Variants in CBFA2T3 observed in about 807,000 individuals in gnomAD.
CBFA2T3 encodes the protein transcriptional corepressor CBFA2T3.
In CBFA2T3, 31 loss-of-function variants were observed where a neutral mutation model predicts 58.6. The observed-to-expected ratio is 0.53, with a 90% CI of 0.40 to 0.71. The LOEUF is 0.71. Ranked by LOEUF, CBFA2T3 falls within the 30% of genes least tolerant of loss-of-function variation. The pLI, the probability that CBFA2T3 is intolerant of heterozygous loss-of-function variation, is 0.00. For missense variants in CBFA2T3, 1,076 were observed against 963.1 expected (o/e 1.12, Z -1.55); for synonymous variants, 531 against 421.9 (o/e 1.26, Z -3.17).
At position 88,876,737 on chromosome 16, in the gene CBFA2T3, G is replaced by T. The variant is rs1267079260; in HGVS notation, c.*239C>A. Reference sequence around the variant, plus strand: ...ATGCTTGAAGAGACGTTGTCAGGAGGTCTCCGCGCGGAATCATTAGGTAGC... The same window carrying T: ...ATGCTTGAAGAGACGTTGTCAGGAGTTCTCCGCGCGGAATCATTAGGTAGC... On this transcript the variant is annotated 3_prime_UTR_variant, in exon 12 of 12. Coordinates refer to ENST00000268679, the MANE Select transcript of CBFA2T3 (RefSeq NM_005187.6). 3 of 457,782 alleles carry T rather than the reference G, an allele frequency of 6.6e-6. No homozygotes were observed. Among genetic ancestry groups the T allele is most frequent in the African/African-American group, 6.2e-5 (3 of 48,780 alleles). The allele number at this position is 457,782 out of a possible 1,614,324, so 28.4% of individuals were successfully genotyped here. A position where few individuals can be genotyped will look rare whatever the true frequency, so the allele number is the denominator to read the frequency against.
At chr16:88,887,066 G>A (rs1220189928) in intron 5 of CBFA2T3, 2 of 152,234 alleles carry the variant, frequency 1.3e-5, no homozygotes, top group Admixed American at 6.5e-5. Context: ...CTGGACCAGG[G>A]CCCAGCAGCA....
intron 1 of CBFA2T3, among the ~76,000 whole-genome samples, chr16:88,963,393 C>T (rs1306958433): frequency 2.0e-5 from 3 of 150,656 alleles, no homozygotes; most frequent in Admixed American, 1.3e-4. Context: ...ATAAACAGAA[C>T]ATAAAATTTA....
At chr16:88,965,771 T>C (rs1597797119) in intron 1 of CBFA2T3, among the ~76,000 whole-genome samples, 1 of 152,228 alleles carries the variant, frequency 6.6e-6, no homozygotes, top group African/African-American at 2.4e-5. Context: ...GGTCTGTGTG[T>C]GGCCAGGCTG....
intron 5 of CBFA2T3, 50 bp downstream of exon 5, chr16:88,891,832 G>C: frequency 7.6e-7 from 1 of 1,314,488 alleles, no homozygotes; most frequent in Non-Finnish European, 1.1e-6. Context: ...GTGGGATTAA[G>C]GGGCCTTCTA....
rs531249691 is a variant in CBFA2T3 at position 88,875,651 on chromosome 16, C to G, written c.*1325G>C. ...GGGGGCCGAGAGAGGTCGGAGGGCG[C>G]GGAGAGGAGAGAGGTAGAGGAGGAC... On this transcript the variant is annotated 3_prime_UTR_variant, in exon 12 of 12. Transcript: ENST00000268679. The G allele has an allele frequency of 4.3e-6, 1 of 233,486 alleles. No homozygotes were observed. Among genetic ancestry groups the G allele is most frequent in the East Asian group, 6.0e-5 (1 of 16,576 alleles). The allele number at this position is 233,486 out of a possible 1,614,324, so 14.5% of individuals were successfully genotyped here.
intron 1 of CBFA2T3, chr16:88,940,270 C>T (rs1426129883): frequency 1.3e-5 from 2 of 155,854 alleles, no homozygotes; most frequent in African/African-American, 4.8e-5. Flanking sequence ...GCCAGCCCCG[C>T]AGTGTGTTCG....
At chr16:88,961,450 C>T (rs1381579728) in intron 1 of CBFA2T3, among the ~76,000 whole-genome samples, 1 of 151,146 alleles carries the variant, frequency 6.6e-6, no homozygotes, top group African/African-American at 2.4e-5. Flanking sequence ...ATTCCCACTG[C>T]ATAGTAACCG....
chr16:88,882,279 T>A (rs1489451728), intron 8 of CBFA2T3, among the ~76,000 whole-genome samples: 1 of 152,210 alleles, frequency 6.6e-6, no homozygotes, highest in African/African-American at 2.4e-5. Flanking sequence ...TGTTTATGCA[T>A]AGGCATACAG....
intron 3 of CBFA2T3, among the ~76,000 whole-genome samples, chr16:88,897,602 G>A (rs1969938041): frequency 6.6e-6 from 1 of 152,248 alleles, no homozygotes; most frequent in Non-Finnish European, 1.5e-5. Flanking sequence ...GGCACTAGGG[G>A]CCATGATGAC....
intron 1 of CBFA2T3, among the ~76,000 whole-genome samples, chr16:88,972,311 G>C (rs1414504184): frequency 6.6e-6 from 1 of 152,198 alleles, no homozygotes; most frequent in Non-Finnish European, 1.5e-5. Flanking sequence ...CTCTGTGCCA[G>C]TGGAGCCTCC....
chr16:88,936,272 G>GCAGGTCCCACCTGCTGCCT (rs1971497111), intron 1 of CBFA2T3, among the ~76,000 whole-genome samples: 2 of 152,138 alleles, frequency 1.3e-5, no homozygotes, highest in African/African-American at 4.8e-5. Context: ...CTGGTCTCCG[G>GCAGGTCCCACCTGCTGCCT]CAGGTCCCAC....
rs1275178965 is a variant in CBFA2T3, at chr16:88,885,922, A to C, written c.893+39T>G. 6.6e-7 allele frequency: 1 copy of C among 1,523,276 alleles called. No individual in the cohort carries two copies. The highest frequency in any genetic ancestry group is 8.9e-7 in the Non-Finnish European group (1 of 1,127,150). 94.4% of individuals were successfully genotyped at this position (1,523,276 alleles called of 1,614,324 possible). The stretch of plus-strand genomic sequence containing the variant: ...GGGGAGCAGGGTGAGCCGCGTGTCC[A>C]CGGCACCCCCAGCCCAGATCCCCGG... On this transcript the variant is annotated intron_variant, in intron 6 of 11. Transcript: ENST00000268679. This position sits in a 1 kb window ranked among gnomAD's most constrained non-coding sequence, Gnocchi z 5.3.
chr16:88,974,878 A>G (rs935564870), intron 1 of CBFA2T3, among the ~76,000 whole-genome samples: 1 of 152,100 alleles, frequency 6.6e-6, no homozygotes, highest in Non-Finnish European at 1.5e-5. Flanking sequence ...CCCCTGGGGT[A>G]CAGGATGAGA....
At chr16:88,912,242 G>A (rs1970554773) in intron 1 of CBFA2T3, among the ~76,000 whole-genome samples, 1 of 152,222 alleles carries the variant, frequency 6.6e-6, no homozygotes, top group Non-Finnish European at 1.5e-5. Flanking sequence ...GGTTTTTGAG[G>A]ACCAAGAAGG....
Position 88,932,791 on chromosome 16 carries a change from CAAAAAAAAAAAAAAAAAAA to C in CBFA2T3, c.152-31154_152-31136del, listed in dbSNP as rs576934029. Among the ~76,000 whole-genome samples, 8 of 27,854 alleles carry C rather than the reference CAAAAAAAAAAAAAAAAAAA, an allele frequency of 2.9e-4. No homozygotes were observed. In the Admixed American group the frequency reaches 5.2e-3, roughly 18 times the overall value. The allele number at this position is 27,854 out of a possible 152,430, so 18.3% of individuals were successfully genotyped here. A position where few individuals can be genotyped will look rare whatever the true frequency, so the allele number is the denominator to read the frequency against. ...GGCAAACCCGTCTCTACTAAAAATA[CAAAAAAAAAAAAAAAAAAA>C]AAAAAAAAAAAAGCCGGGTGCAGTG... On this transcript the variant is annotated intron_variant, in intron 1 of 11. Transcript: ENST00000268679.
At chr16:88,905,799 C>T (rs1219984864) in intron 1 of CBFA2T3, among the ~76,000 whole-genome samples, 1 of 146,036 alleles carries the variant, frequency 6.8e-6, no homozygotes, top group Non-Finnish European at 1.5e-5. Context: ...AGCTAGTCTG[C>T]GGCAGGTGGG....
intron 1 of CBFA2T3, among the ~76,000 whole-genome samples, chr16:88,968,203 C>T (rs1290313881): frequency 6.6e-6 from 1 of 152,202 alleles, no homozygotes; most frequent in African/African-American, 2.4e-5. Flanking sequence ...CCACAGGGGA[C>T]TGCCAGGGGC....
At chr16:88,892,130 G>T in intron 4 of CBFA2T3, 114 bp downstream of exon 4, 2 of 1,424,882 alleles carry the variant, frequency 1.4e-6, no homozygotes, top group Non-Finnish European at 9.7e-7. Flanking sequence ...GTGGGAGCGG[G>T]TCCACGCCCG....
intron 1 of CBFA2T3, among the ~76,000 whole-genome samples, chr16:88,916,881 C>A (rs1023450823): frequency 2.0e-5 from 3 of 151,768 alleles, no homozygotes; most frequent in Non-Finnish European, 2.9e-5. Flanking sequence ...GAGGGGCCAA[C>A]AGAGGGGAGG....
Sources: gnomAD v4.1 joint callset for allele counts (sites outside exome capture counted in the v4.1 genomes callset) on GRCh38, gnomAD v4.1.1 for gene constraint, Gnocchi (gnomAD v3.1) non-coding constraint, MANE v1.5 for transcripts, NCBI Gene and HGNC (gene_info 2026-07-23, HGNC 2026-07-21) for gene names.